The following RNF182 variants were observed in gnomAD, a reference collection of about 807,000 sequenced individuals.
The protein encoded by RNF182 is ring finger protein 182.
In RNF182, 15 loss-of-function variants were observed where a neutral mutation model predicts 14.4. That is an observed-to-expected ratio of 1.04 (90% CI 0.70 to 1.60). The LOEUF is 1.60. Ranked by LOEUF, RNF182 falls within the 40% of genes most tolerant of loss-of-function variation. The probability of loss-of-function intolerance (pLI) is 0.00; values close to 1 mark genes in which losing one functional copy is unlikely to be tolerated. For missense variants in RNF182, 268 were observed against 294.8 expected, an observed-to-expected ratio of 0.91 and a Z score of 0.67; for synonymous variants, 128 against 122.9, an observed-to-expected ratio of 1.04 and a Z score of -0.27.
At chr6:13,946,140 C>CATTATTATT (rs200937239) in intron 1 of RNF182, among the ~76,000 whole-genome samples, 38,776 of 137,026 alleles carry the variant, frequency 0.28, 5,652 homozygotes, top group East Asian at 0.35. Context: ...TAAAGCAAAA[C>CATTATTATT]ATTATTATTA....
chr6:13,953,231 G>C (rs1192348397), intron 1 of RNF182, among the ~76,000 whole-genome samples: 1 of 152,194 alleles, frequency 6.6e-6, no homozygotes, highest in Non-Finnish European at 1.5e-5. Context: ...CAGCCCCTAG[G>C]CAAGAAGGAG....
At chr6:13,966,767 C>A (rs965068003) in intron 1 of RNF182, among the ~76,000 whole-genome samples, 1 of 133,672 alleles carries the variant, frequency 7.5e-6, no homozygotes, top group African/African-American at 2.7e-5. Flanking sequence ...TGTCCCCACC[C>A]CCCCACCCCC....
rs541712229 is a variant in RNF182, at chr6:13,966,077, A to G, written c.-366-8133A>G. On this transcript the variant is annotated intron_variant, in intron 1 of 2. Transcript: ENST00000488300. The stretch of plus-strand genomic sequence containing the variant: ...GCTTTAAGACAAGAAAGGGCAATCT[A>G]TGTTTATACAAAAGAATAGTCTATA... Among the ~76,000 whole-genome samples the G allele has an allele frequency of 2.6e-4, 40 of 152,334 alleles. No homozygotes were observed. In the Middle Eastern group the frequency reaches 0.01, roughly 39 times the overall value.
intron 1 of RNF182, chr6:13,949,457 C>G: frequency 1.5e-6 from 1 of 652,814 alleles, no homozygotes; most frequent in South Asian, 1.8e-5. Context: ...TCATTCTGGC[C>G]TTTGGTTGAC....
chr6:13,948,942 A>C (rs1204345071), intron 1 of RNF182, among the ~76,000 whole-genome samples: 1 of 152,214 alleles, frequency 6.6e-6, no homozygotes, highest in Non-Finnish European at 1.5e-5. Flanking sequence ...AGAGAAAGCC[A>C]AATTTCACTT....
At chr6:13,962,658 A>G (rs908910259) in intron 1 of RNF182, among the ~76,000 whole-genome samples, 1 of 152,220 alleles carries the variant, frequency 6.6e-6, no homozygotes, top group African/African-American at 2.4e-5. Flanking sequence ...TTTAAAATAT[A>G]TTGTCTCATC....
chr6:13,931,432 C>T (rs1052692855), intron 1 of RNF182, among the ~76,000 whole-genome samples: 1 of 152,060 alleles, frequency 6.6e-6, no homozygotes, highest in African/African-American at 2.4e-5. Context: ...TGCCGAAGGT[C>T]TGGAGTGTGG....
intron 1 of RNF182, among the ~76,000 whole-genome samples, chr6:13,952,253 ATCT>A (rs1038279314): frequency 6.6e-6 from 1 of 152,150 alleles, no homozygotes; most frequent in Non-Finnish European, 1.5e-5. Context: ...TTGTGAAGAG[ATCT>A]TCTCCAGCAG....
chr6:13,929,971 T>A (rs145917646), intron 1 of RNF182, among the ~76,000 whole-genome samples: 89 of 152,336 alleles, frequency 5.8e-4, no homozygotes, highest in African/African-American at 2.0e-3. Flanking sequence ...GAAACTAGAA[T>A]AATTTATGAA....
In RNF182 at chr6:13,977,433, C is replaced by G. The variant is rs1170917534; in HGVS notation, c.314C>G (p.Pro105Arg). The G allele has an allele frequency of 1.2e-5, 20 of 1,614,176 alleles. No individual in the cohort carries two copies. Among genetic ancestry groups the G allele is most frequent in the Non-Finnish European group, 1.7e-5 (20 of 1,180,024 alleles). The stretch of plus-strand genomic sequence containing the variant: ...GGGAAGAAGTGCCTGCCAGAGAACC[C>G]TACTGAGCTGCTGCTCACCCCCAAG... ...GKGKKCLPEN[P>R]TELLLTPKRL... Residue 105 changes from proline to arginine, a missense_variant, in exon 3 of 3, where the codon CCT (proline) becomes CGT (arginine). By Grantham distance (103) the Pro-to-Arg change is moderately radical. Transcript: ENST00000488300.
chr6:13,955,540 T>TA (rs1759705095), intron 1 of RNF182, among the ~76,000 whole-genome samples: 2 of 152,238 alleles, frequency 1.3e-5, no homozygotes, highest in African/African-American at 2.4e-5. Flanking sequence ...CTTTTTAACA[T>TA]ACTTGGTGTT....
chr6:13,928,105 G>A (rs1297021899), intron 1 of RNF182, among the ~76,000 whole-genome samples: 1 of 152,154 alleles, frequency 6.6e-6, no homozygotes, highest in Non-Finnish European at 1.5e-5. Context: ...TTGTGGACGT[G>A]TGTTTCATTT....
At chr6:13,961,800 G>T (rs1759891105) in intron 1 of RNF182, among the ~76,000 whole-genome samples, 1 of 152,116 alleles carries the variant, frequency 6.6e-6, no homozygotes, top group Non-Finnish European at 1.5e-5. Context: ...AGTTTTAATT[G>T]TTGAGGGAGG....
intron 1 of RNF182, among the ~76,000 whole-genome samples, chr6:13,965,531 C>A (rs1235642161): frequency 6.6e-6 from 1 of 152,090 alleles, no homozygotes; most frequent in Non-Finnish European, 1.5e-5. Flanking sequence ...TGGAAAAGTT[C>A]TTGAACTATA....
At chr6:13,947,813 T>A (rs1380276388) in intron 1 of RNF182, among the ~76,000 whole-genome samples, 1 of 152,242 alleles carries the variant, frequency 6.6e-6, no homozygotes, top group East Asian at 1.9e-4. Context: ...AGCATGTCAG[T>A]CATTCCAGTC....
intron 1 of RNF182, among the ~76,000 whole-genome samples, chr6:13,927,665 C>G (rs903411541): frequency 6.6e-6 from 1 of 152,168 alleles, no homozygotes; most frequent in Admixed American, 6.5e-5. Flanking sequence ...TGTTTGTAAC[C>G]ATATAAGCCT....
intron 1 of RNF182, among the ~76,000 whole-genome samples, chr6:13,944,548 C>T (rs1585035009): frequency 1.3e-5 from 2 of 152,186 alleles, no homozygotes; most frequent in Admixed American, 1.3e-4. Flanking sequence ...GTCAATAATG[C>T]AGGGCAAGGA....
chr6:13,955,416 G>T (rs1759701728), intron 1 of RNF182, among the ~76,000 whole-genome samples: 1 of 152,198 alleles, frequency 6.6e-6, no homozygotes, highest in African/African-American at 2.4e-5. Flanking sequence ...TAAAGAAAAG[G>T]CAGAATAAAT....
At chr6:13,965,744 G>A (rs957087526) in intron 1 of RNF182, among the ~76,000 whole-genome samples, 11 of 152,326 alleles carry the variant, frequency 7.2e-5, no homozygotes, top group African/African-American at 1.9e-4. Flanking sequence ...AGCCAATCAC[G>A]AGACGATGAG....
Sources: allele counts gnomAD v4.1 joint callset (sites outside exome capture counted in the v4.1 genomes callset), GRCh38; gene constraint gnomAD v4.1.1; transcripts MANE v1.5; gene names NCBI Gene and HGNC (gene_info 2026-07-23, HGNC 2026-07-21).